DHX8: variants seen among roughly 807,000 people sequenced by gnomAD.
The protein encoded by DHX8 is DEAH-box helicase 8.
A neutral mutation model predicts 140.7 loss-of-function variants in DHX8; 67 were observed. The ratio of observed to expected loss-of-function variants is 0.48; its 90% CI spans 0.39 to 0.58. The LOEUF is 0.58. DHX8 is among the 20% of genes least tolerant of loss of function. DHX8 has a pLI of 0.00. For synonymous variants in DHX8, 533 were observed against 553.2 expected, an observed-to-expected ratio of 0.96 and a Z score of 0.51; for missense variants, 887 against 1,550.7, an observed-to-expected ratio of 0.57 and a Z score of 7.19.
At chr17:43,492,047 C>T in intron 4 of DHX8, 136 bp from the exon 5 acceptor site, 2 of 649,028 alleles carry the variant, frequency 3.1e-6, no homozygotes, top group East Asian at 5.5e-5. Context: ...CTGCATCTAT[C>T]CTGAATCAAG....
rs576898185 is a variant in DHX8 at position 43,488,126 on chromosome 17, A to G, written c.149-1323A>G. Among the ~76,000 whole-genome samples, 7 of 152,198 alleles carry G rather than the reference A, an allele frequency of 4.6e-5. No homozygotes were observed. In the East Asian group the frequency reaches 1.4e-3, roughly 29 times the overall value. On this transcript the variant is annotated intron_variant, in intron 1 of 22. Coordinates refer to ENST00000262415, the MANE Select transcript of DHX8 (RefSeq NM_004941.3). ...AATCCTGTCTGTACTAAAAATATAA[A>G]AATTAGCCGGTCATGGTGGCATGCG...
chr17:43,507,448 G>T, intron 13 of DHX8, 55 bp from the exon 14 acceptor site: 1 of 1,525,586 alleles, frequency 6.6e-7, no homozygotes. Flanking sequence ...CTTGCCTGGT[G>T]ATTGGGAAAA....
chr17:43,514,085 T>C (rs1969990311), intron 17 of DHX8, among the ~76,000 whole-genome samples: 4 of 150,080 alleles, frequency 2.7e-5, no homozygotes, highest in Non-Finnish European at 5.9e-5. Context: ...CTCACACCTG[T>C]AATCCCAGCA....
chr17:43,524,801 C>A lies in DHX8; in HGVS notation c.*954C>A. On this transcript the variant is annotated 3_prime_UTR_variant, in exon 23 of 23. Coordinates refer to ENST00000262415, the MANE Select transcript of DHX8 (RefSeq NM_004941.3). ...ATTTTATGGTCAAAACCTCCCTTTC[C>A]CCACTCCAAACAGAAAACAAACATA... 1.0e-6 allele frequency: 1 copy of A among 985,318 alleles called. No individual in the cohort carries two copies. 61.0% of individuals were successfully genotyped at this position (985,318 alleles called of 1,614,324 possible).
chr17:43,520,357 C>A, intron 19 of DHX8, 90 bp downstream of exon 19: 1 of 1,469,464 alleles, frequency 6.8e-7, no homozygotes, highest in Non-Finnish European at 9.2e-7. Context: ...CAGGCTGAGG[C>A]CGTGGATAAG....
At chr17:43,518,043 GC>G (rs1970198751) in intron 18 of DHX8, 1 of 152,188 alleles carries the variant, frequency 6.6e-6, no homozygotes, top group African/African-American at 2.4e-5. Context: ...TTGGACTTCA[GC>G]TCCAAACTGC....
intron 9 of DHX8, among the ~76,000 whole-genome samples, chr17:43,497,090 T>A (rs769948621): frequency 3.3e-5 from 5 of 152,200 alleles, no homozygotes; most frequent in African/African-American, 4.8e-5. Flanking sequence ...TCTTTCTTCC[T>A]TCTAGGAGTA....
At chr17:43,519,515 G>GTT (rs1172186449) in intron 18 of DHX8, 3 of 5,944 alleles carry the variant, frequency 5.0e-4, no homozygotes, top group Non-Finnish European at 1.1e-3. Flanking sequence ...GAGTGTTAGG[G>GTT]TTTTTTGTTT....
At position 43,511,851 on chromosome 17, in the gene DHX8, CAAAAAAA is replaced by C. The variant is rs1210970204; in HGVS notation, c.2503-1496_2503-1490del. On this transcript the variant is annotated intron_variant, in intron 16 of 22. Transcript: ENST00000262415. Reference sequence around the variant, plus strand: ...CAACATGGTGAGACCCCTATCTCTACAAAAAAAAAAAAAAAAAAAAATCAGCCAGGCG... The same window carrying C: ...CAACATGGTGAGACCCCTATCTCTACAAAAAAAAAAAAAATCAGCCAGGCG... Among the ~76,000 whole-genome samples the C allele has an allele frequency of 6.5e-4, 44 of 68,010 alleles. No homozygotes were observed. The South Asian group carries it at 7.0e-3, about 11-fold the overall frequency. The allele number at this position is 68,010 out of a possible 152,430, so 44.6% of individuals were successfully genotyped here. A position where few individuals can be genotyped will look rare whatever the true frequency, so the allele number is the denominator to read the frequency against.
chr17:43,489,569 T>A, intron 2 of DHX8, 35 bp downstream of exon 2: 1 of 1,368,468 alleles, frequency 7.3e-7, no homozygotes, highest in Non-Finnish European at 1.0e-6. Context: ...CTGTAGATAT[T>A]AATGTTTTAA....
rs771045343 is a variant in DHX8, at chr17:43,498,962, G to A, written c.1398+3G>A. 1.9e-6 allele frequency: 3 copies of A among 1,580,828 alleles called. No individual in the cohort carries two copies. The highest frequency in any genetic ancestry group is 2.6e-6 in the Non-Finnish European group (3 of 1,168,730). ...TGAGCCCCATTAAAATTGTCAAGGT[G>A]AGAATTACTGGACCTTTAACCTGGA... On this transcript the variant is annotated splice_donor_region_variant and intron_variant, in intron 10 of 22. Coordinates refer to ENST00000262415, the MANE Select transcript of DHX8 (RefSeq NM_004941.3).
rs1392414879 is a variant in DHX8, at chr17:43,524,618, A to ATAC, written c.*771_*772insTAC. 4.1e-6 allele frequency: 4 copies of ATAC among 985,364 alleles called. No homozygotes were observed. In the East Asian group the frequency reaches 3.4e-4, roughly 84 times the overall value. 61.0% of individuals were successfully genotyped at this position (985,364 alleles called of 1,614,324 possible). On this transcript the variant is annotated 3_prime_UTR_variant, in exon 23 of 23. Transcript: ENST00000262415. The stretch of plus-strand genomic sequence containing the variant: ...TGAGTGGCTACAGATGGCACATATT[A>ATAC]AATACAGAAGGTTTCCCCTTGCTCC...
downstream of DHX8, chr17:43,530,116 C>T (rs137969667): frequency 9.5e-6 from 15 of 1,584,776 alleles, no homozygotes; most frequent in East Asian, 7.0e-5. Context: ...CCCATGGCCC[C>T]GTCACCTGGA....
rs539225706 is a variant in DHX8, at chr17:43,500,179, G to T, written c.1546+76G>T. 5 of 1,494,952 alleles carry T rather than the reference G, an allele frequency of 3.3e-6. No individual in the cohort carries two copies. The African/African-American group carries it at 5.6e-5, about 17-fold the overall frequency. 92.6% of individuals were successfully genotyped at this position (1,494,952 alleles called of 1,614,324 possible). A position where few individuals can be genotyped will look rare whatever the true frequency, so the allele number is the denominator to read the frequency against. On this transcript the variant is annotated intron_variant, in intron 11 of 22. Transcript: ENST00000262415. ...CAGAACACAGGGAGGGGTCACTCCC[G>T]GCACACACTAAAAATTTACCCTTGG...
rs778016755 is a variant in DHX8 at position 43,507,535 on chromosome 17, T to C, written c.1956T>C (p.Thr652=). 6.2e-6 allele frequency: 10 copies of C among 1,614,018 alleles called. No homozygotes were observed. The African/African-American group carries it at 1.3e-4, about 22-fold the overall frequency. ...ACACCATTCGATTTGAGGACTGCAC[T>C]AGCCCTGAAACAGTCATCAAGTACA... ...VGYTIRFEDC[T]SPETVIKYMT... The change falls in exon 14 of 23, where the codon ACT becomes ACC. Residue 652 remains threonine (T), a synonymous_variant. Coordinates refer to ENST00000262415, the MANE Select transcript of DHX8 (RefSeq NM_004941.3).
downstream of DHX8, chr17:43,528,169 G>A (rs1173790706): frequency 1.2e-5 from 3 of 253,814 alleles, no homozygotes; most frequent in Non-Finnish European, 2.3e-5. Flanking sequence ...CCAGTATGAA[G>A]TTGGGAAGCG....
chr17:43,508,721 G>A (rs576559601), intron 16 of DHX8, among the ~76,000 whole-genome samples: 2 of 150,828 alleles, frequency 1.3e-5, no homozygotes, highest in Admixed American at 6.7e-5. Context: ...CCGGGTTCAC[G>A]CCATTCTCCT....
chr17:43,501,626 G>A (rs919509678), intron 11 of DHX8, among the ~76,000 whole-genome samples: 2 of 152,180 alleles, frequency 1.3e-5, no homozygotes, highest in Non-Finnish European at 2.9e-5. Context: ...TGGGATTACA[G>A]GCATGCACCA....
chr17:43,529,945 G>C (rs774019630), downstream of DHX8: 11 of 1,614,062 alleles, frequency 6.8e-6, no homozygotes, highest in Non-Finnish European at 9.3e-6. Context: ...GTTTCTCATA[G>C]CCATAGCCTT....
Sources: allele counts gnomAD v4.1 joint callset (sites outside exome capture counted in the v4.1 genomes callset), GRCh38; gene constraint gnomAD v4.1.1; transcripts MANE v1.5; gene names NCBI Gene and HGNC (gene_info 2026-07-23, HGNC 2026-07-21).